The following CDH13 variants were observed in gnomAD, a reference collection of about 807,000 sequenced individuals.
The protein encoded by CDH13 is cadherin-13.
A neutral mutation model predicts 63.8 loss-of-function variants in CDH13; 24 were observed. The ratio of observed to expected loss-of-function variants is 0.38; its 90% CI spans 0.27 to 0.53. CDH13 has a LOEUF of 0.53. Ranked by LOEUF, CDH13 falls within the 20% of genes least tolerant of loss-of-function variation. The pLI, the probability that CDH13 is intolerant of heterozygous loss-of-function variation, is 0.85. For synonymous variants in CDH13, 503 were observed against 355.3 expected, an observed-to-expected ratio of 1.42 and a Z score of -4.67; for missense variants, 1,049 against 903.1, an observed-to-expected ratio of 1.16 and a Z score of -2.07.
intron 2 of CDH13, among the ~76,000 whole-genome samples, chr16:82,867,049 T>G (rs1429392271): frequency 1.3e-5 from 2 of 152,238 alleles, no homozygotes; most frequent in African/African-American, 4.8e-5. Context: ...CCTTGATAAC[T>G]GACAGTTACT....
intron 2 of CDH13, among the ~76,000 whole-genome samples, chr16:82,877,882 T>C (rs1417152118): frequency 6.7e-6 from 1 of 148,278 alleles, no homozygotes; most frequent in Non-Finnish European, 1.5e-5. Flanking sequence ...CCTGTCATGA[T>C]TCTTGAGGAG....
chr16:83,156,753 A>G (rs143362902), intron 4 of CDH13, among the ~76,000 whole-genome samples: 92 of 152,304 alleles, frequency 6.0e-4, no homozygotes, highest in African/African-American at 2.0e-3. Flanking sequence ...GCCTCCTTCC[A>G]TAAATCCTAT....
At chr16:82,807,130 AC>A (rs1316938001) in intron 1 of CDH13, among the ~76,000 whole-genome samples, 2 of 147,550 alleles carry the variant, frequency 1.4e-5, no homozygotes, top group African/African-American at 5.0e-5. Context: ...AATTGCTTTT[AC>A]TGACAACAGA....
chr16:83,445,233 G>GTTTATAAAAGCT (rs760760369), intron 6 of CDH13, among the ~76,000 whole-genome samples: 7,341 of 136,460 alleles, frequency 0.054, 462 homozygotes, highest in African/African-American at 0.093. Flanking sequence ...GGCTGCGAGA[G>GTTTATAAAAGCT]TTTATAATTT....
chr16:83,390,237 C>T (rs952734634), intron 6 of CDH13, among the ~76,000 whole-genome samples: 1 of 152,170 alleles, frequency 6.6e-6, no homozygotes, highest in African/African-American at 2.4e-5. Flanking sequence ...ATTATGGGGT[C>T]TGTGGCTCAG....
intron 7 of CDH13, among the ~76,000 whole-genome samples, chr16:83,539,566 A>T (rs765843586): frequency 1.3e-5 from 2 of 152,212 alleles, no homozygotes; most frequent in African/African-American, 2.4e-5. Flanking sequence ...CTGACAGGAG[A>T]AGGCACAGAG....
chr16:83,498,682 A>AT (rs1451306403), intron 7 of CDH13, among the ~76,000 whole-genome samples: 14 of 152,198 alleles, frequency 9.2e-5, no homozygotes, highest in Non-Finnish European at 1.3e-4. Flanking sequence ...AAGCCCATGC[A>AT]TTTTTTCTCC....
At chr16:82,798,523 G>T (rs1185876338) in intron 1 of CDH13, among the ~76,000 whole-genome samples, 1 of 152,152 alleles carries the variant, frequency 6.6e-6, no homozygotes, top group Non-Finnish European at 1.5e-5. Context: ...GAGGCTGAAG[G>T]GATGATAGTA....
intron 3 of CDH13, among the ~76,000 whole-genome samples, chr16:83,036,856 A>G (rs895670174): frequency 1.3e-5 from 2 of 152,078 alleles, no homozygotes; most frequent in Non-Finnish European, 2.9e-5. Context: ...GCACACCCAT[A>G]CACCCCACAC....
intron 5 of CDH13, among the ~76,000 whole-genome samples, chr16:83,344,622 G>T (rs959878112): frequency 6.6e-6 from 1 of 152,096 alleles, no homozygotes; most frequent in Non-Finnish European, 1.5e-5. Flanking sequence ...TTTCTTTGCC[G>T]ATTTGATGAA....
At chr16:82,991,529 T>C (rs1358068239) in intron 2 of CDH13, among the ~76,000 whole-genome samples, 1 of 152,130 alleles carries the variant, frequency 6.6e-6, no homozygotes, top group Admixed American at 6.5e-5. Flanking sequence ...AAGTCCAATT[T>C]AGCTCTTATA....
intron 1 of CDH13, among the ~76,000 whole-genome samples, chr16:82,710,796 C>G (rs2031880413): frequency 6.8e-6 from 1 of 147,778 alleles, no homozygotes; most frequent in Non-Finnish European, 1.5e-5. Context: ...CAAATATAAC[C>G]TATAAGTATA....
chr16:83,374,406 T>G (rs1455016923), intron 6 of CDH13, among the ~76,000 whole-genome samples: 1 of 152,224 alleles, frequency 6.6e-6, no homozygotes. Context: ...TATCTTTTCA[T>G]GCATGCCTTT....
At chr16:82,664,630 C>A (rs1382907573) in intron 1 of CDH13, among the ~76,000 whole-genome samples, 2 of 152,196 alleles carry the variant, frequency 1.3e-5, no homozygotes, top group Admixed American at 1.3e-4. Flanking sequence ...TTCCTTAAAA[C>A]AGCCTTATTC....
chr16:82,838,941 T>G (rs758922227), intron 1 of CDH13, among the ~76,000 whole-genome samples: 2 of 152,232 alleles, frequency 1.3e-5, no homozygotes, highest in Non-Finnish European at 2.9e-5. Context: ...TTTTCAGACA[T>G]TGCAGGCCAT....
At chr16:83,093,444 G>T (rs754856124) in intron 3 of CDH13, among the ~76,000 whole-genome samples, 11 of 151,174 alleles carry the variant, frequency 7.3e-5, no homozygotes, top group Non-Finnish European at 1.2e-4. Flanking sequence ...TCAGCCTACT[G>T]AGTAGCTGGG....
chr16:82,732,853 G>A (rs912775900), intron 1 of CDH13, among the ~76,000 whole-genome samples: 33 of 152,146 alleles, frequency 2.2e-4, no homozygotes, highest in Admixed American at 2.0e-3. Context: ...GATGAGTGAG[G>A]GTTCCGGATA....
chr16:82,677,409 G>C (rs1914053300), intron 1 of CDH13, among the ~76,000 whole-genome samples: 1 of 146,378 alleles, frequency 6.8e-6, no homozygotes, highest in Non-Finnish European at 1.5e-5. Context: ...TTTCCCTACT[G>C]AGATTCAAAG....
Position 82,644,039 on chromosome 16 carries a change from T to C in CDH13, c.45+16902T>C, listed in dbSNP as rs2150893517. Among the ~76,000 whole-genome samples the C allele has an allele frequency of 6.6e-6, 1 of 152,076 alleles. No individual in the cohort carries two copies. The highest frequency in any genetic ancestry group is 6.5e-5 in the Admixed American group (1 of 15,284). On this transcript the variant is annotated intron_variant, in intron 1 of 13. Coordinates refer to ENST00000567109, the MANE Select transcript of CDH13 (RefSeq NM_001257.5). This position sits in a 1 kb window ranked among gnomAD's most constrained non-coding sequence, Gnocchi z 5.7. ...AGGCTTGGCTGACTTTTAAAAGTAG[T>C]AAGTGGTTTAGGATGGGGGGTGGTA... is the stretch of plus-strand genomic sequence containing the variant.
Sources: allele counts gnomAD v4.1 joint callset (sites outside exome capture counted in the v4.1 genomes callset), GRCh38; gene constraint gnomAD v4.1.1; non-coding constraint Gnocchi (gnomAD v3.1); transcripts MANE v1.5; gene names NCBI Gene and HGNC (gene_info 2026-07-23, HGNC 2026-07-21).